The following ACVR1C variants were observed in gnomAD, a reference collection of about 807,000 sequenced individuals.
The protein encoded by ACVR1C is activin A receptor type 1C, also known as activin receptor type-1C.
In ACVR1C, 23 loss-of-function variants were observed where a neutral mutation model predicts 57.9. The ratio of observed to expected loss-of-function variants is 0.40; its 90% CI spans 0.29 to 0.56. The LOEUF is 0.56. ACVR1C is among the 20% of genes least tolerant of loss of function. The pLI is 0.50. For missense variants in ACVR1C, 480 were observed against 607.9 expected (o/e 0.79, Z 2.21); for synonymous variants, 214 against 215.3 (o/e 0.99, Z 0.05).
intron 2 of ACVR1C, among the ~76,000 whole-genome samples, chr2:157,575,916 A>G (rs1688634737): frequency 6.6e-6 from 1 of 152,180 alleles, no homozygotes; most frequent in African/African-American, 2.4e-5. Flanking sequence ...GCTGTCTCCA[A>G]TACCTACTCC....
At chr2:157,535,959 T>C (rs538492790) in intron 8 of ACVR1C, among the ~76,000 whole-genome samples, 1 of 152,116 alleles carries the variant, frequency 6.6e-6, no homozygotes. Context: ...CATATCCCTA[T>C]GGACTGAGCC....
At chr2:157,554,197 A>AAG (rs755252966) in intron 3 of ACVR1C, among the ~76,000 whole-genome samples, 1 of 118,714 alleles carries the variant, frequency 8.4e-6, no homozygotes, top group African/African-American at 3.6e-5. Context: ...AAAAATAAAG[A>AAG]AGAGAGAAAG....
At chr2:157,534,139 G>C (rs1687425335) in intron 8 of ACVR1C, 96 bp from the exon 9 acceptor site, 1 of 1,081,670 alleles carries the variant, frequency 9.2e-7, no homozygotes. Context: ...TTGATGCTAA[G>C]CTTTTTTTTT....
At chr2:157,553,925 G>T (rs982994037) in intron 3 of ACVR1C, among the ~76,000 whole-genome samples, 1 of 151,918 alleles carries the variant, frequency 6.6e-6, no homozygotes, top group East Asian at 1.9e-4. Context: ...GCTCACACCT[G>T]TAATCCCAGC....
intron 2 of ACVR1C, among the ~76,000 whole-genome samples, chr2:157,573,406 G>A (rs1011211068): frequency 1.2e-4 from 18 of 152,106 alleles, no homozygotes; most frequent in African/African-American, 4.3e-4. Flanking sequence ...CTGAATTAGT[G>A]AAAAATATAA....
At chr2:157,566,033 A>G (rs553068751) in intron 2 of ACVR1C, among the ~76,000 whole-genome samples, 1 of 152,356 alleles carries the variant, frequency 6.6e-6, no homozygotes, top group African/African-American at 2.4e-5. Context: ...TTCCATAATC[A>G]GTTTTCTTAA....
chr2:157,594,218 C>T (rs1682025775), intron 1 of ACVR1C, among the ~76,000 whole-genome samples: 1 of 152,132 alleles, frequency 6.6e-6, no homozygotes, highest in African/African-American at 2.4e-5. Flanking sequence ...GTTCACCTGA[C>T]CACCAGCCAC....
At chr2:157,581,095 C>A (rs1012051451) in intron 2 of ACVR1C, among the ~76,000 whole-genome samples, 4 of 151,972 alleles carry the variant, frequency 2.6e-5, no homozygotes, top group African/African-American at 9.7e-5. Flanking sequence ...GTTGGTAACA[C>A]CCCCCAAGAA....
chr2:157,547,758 T>C (rs895923021), intron 4 of ACVR1C, among the ~76,000 whole-genome samples: 11 of 151,096 alleles, frequency 7.3e-5, no homozygotes, highest in Admixed American at 2.6e-4. Context: ...TTTTCTCCCA[T>C]TTTGTAGGTT....
At chr2:157,596,070 G>A (rs113691977) in intron 1 of ACVR1C, among the ~76,000 whole-genome samples, 24 of 152,190 alleles carry the variant, frequency 1.6e-4, no homozygotes, top group African/African-American at 5.3e-4. Flanking sequence ...CTGTCAGTGC[G>A]GTAAAATCCA....
At chr2:157,560,245 C>T (rs1428676800) in intron 2 of ACVR1C, among the ~76,000 whole-genome samples, 1 of 152,168 alleles carries the variant, frequency 6.6e-6, no homozygotes, top group East Asian at 1.9e-4. Flanking sequence ...TAGGCATGAT[C>T]CCCACATTTC....
intron 2 of ACVR1C, among the ~76,000 whole-genome samples, chr2:157,575,513 C>G (rs1428357812): frequency 6.6e-6 from 1 of 152,216 alleles, no homozygotes; most frequent in Non-Finnish European, 1.5e-5. Flanking sequence ...AACAGATCCC[C>G]CTGCCTGGGC....
At position 157,533,367 on chromosome 2, in the gene ACVR1C, C is replaced by A. The variant is rs1196428529; in HGVS notation, c.*551G>T. 1.3e-5 allele frequency: 2 copies of A among 152,468 alleles called. No homozygotes were observed. Among genetic ancestry groups the A allele is most frequent in the Non-Finnish European group, 2.9e-5 (2 of 68,040 alleles). The allele number at this position is 152,468 out of a possible 1,614,324, so 9.4% of individuals were successfully genotyped here. A position where few individuals can be genotyped will look rare whatever the true frequency, so the allele number is the denominator to read the frequency against. On this transcript the variant is annotated 3_prime_UTR_variant, in exon 9 of 9. Coordinates refer to ENST00000243349, the MANE Select transcript of ACVR1C (RefSeq NM_145259.3). ...AAGGGGAGACCAAGCACATGGGACA[C>A]CCACCTCACTTACATCTTCCACTAA...
Position 157,549,761 on chromosome 2 carries a change from A to G in ACVR1C, c.775+401T>C, listed in dbSNP as rs1179709625. Among the ~76,000 whole-genome samples the G allele has an allele frequency of 2.7e-5, 4 of 150,894 alleles. No individual in the cohort carries two copies. In the East Asian group the frequency reaches 5.9e-4, roughly 22 times the overall value. On this transcript the variant is annotated intron_variant, in intron 4 of 8. Coordinates refer to ENST00000243349, the MANE Select transcript of ACVR1C (RefSeq NM_145259.3). Reference sequence around the variant, plus strand: ...AGCACTTTGGGAGGCCGAGGCGGGCAGATCACGAGGTCAGGAGATCAAGAC... The same window carrying G: ...AGCACTTTGGGAGGCCGAGGCGGGCGGATCACGAGGTCAGGAGATCAAGAC...
chr2:157,617,147 G>A (rs1004296176), intron 1 of ACVR1C, among the ~76,000 whole-genome samples: 4 of 152,078 alleles, frequency 2.6e-5, no homozygotes, highest in African/African-American at 9.6e-5. Context: ...AATTGGCATG[G>A]TTATATTACT....
At chr2:157,616,983 T>G (rs1383144172) in intron 1 of ACVR1C, among the ~76,000 whole-genome samples, 1 of 152,070 alleles carries the variant, frequency 6.6e-6, no homozygotes, top group East Asian at 1.9e-4. Flanking sequence ...TACTAATTGT[T>G]AATGGACTAA....
At chr2:157,624,595 T>C (rs1172929892) in intron 1 of ACVR1C, among the ~76,000 whole-genome samples, 1 of 152,190 alleles carries the variant, frequency 6.6e-6, no homozygotes, top group African/African-American at 2.4e-5. Context: ...GTCTAGATAC[T>C]CATGTAGGAT....
intron 1 of ACVR1C, among the ~76,000 whole-genome samples, chr2:157,600,216 T>A (rs1323564341): frequency 1.3e-5 from 2 of 152,162 alleles, no homozygotes; most frequent in Non-Finnish European, 2.9e-5. Flanking sequence ...GTCTGTTAAG[T>A]CACTGAAATC....
chr2:157,611,046 T>C (rs540425299), intron 1 of ACVR1C, among the ~76,000 whole-genome samples: 13 of 152,348 alleles, frequency 8.5e-5, no homozygotes, highest in Non-Finnish European at 8.8e-5. Context: ...GATTGGGATA[T>C]GTTGCTAGAG....
Sources: gnomAD v4.1 joint callset for allele counts (sites outside exome capture counted in the v4.1 genomes callset) on GRCh38, gnomAD v4.1.1 for gene constraint, MANE v1.5 for transcripts, NCBI Gene and HGNC (gene_info 2026-07-23, HGNC 2026-07-21) for gene names.